The following GNAQ variants were observed in gnomAD, a reference collection of about 807,000 sequenced individuals.
GNAQ encodes guanine nucleotide-binding protein G(q) subunit alpha.
Under a neutral mutation model 43.9 loss-of-function variants are expected in GNAQ, and 8 were observed. The observed-to-expected ratio is 0.18, with a 90% CI of 0.11 to 0.33. The LOEUF is 0.33. GNAQ is among the 10% of genes least tolerant of loss of function. The pLI, the probability that GNAQ is intolerant of heterozygous loss-of-function variation, is 1.00. For missense variants in GNAQ, 158 were observed against 450.8 expected, an observed-to-expected ratio of 0.35 and a Z score of 5.88; for synonymous variants, 155 against 170.7, an observed-to-expected ratio of 0.91 and a Z score of 0.71.
chr9:77,836,017 GA>G (rs1224030234), intron 2 of GNAQ, among the ~76,000 whole-genome samples: 4 of 151,814 alleles, frequency 2.6e-5, no homozygotes, highest in East Asian at 3.9e-4. Context: ...GAAGAAGAAA[GA>G]AAAAAAATCT....
At chr9:77,863,333 C>T (rs1243039125) in intron 2 of GNAQ, among the ~76,000 whole-genome samples, 2 of 152,162 alleles carry the variant, frequency 1.3e-5, no homozygotes, top group Non-Finnish European at 2.9e-5. Flanking sequence ...AGGGGCAAAA[C>T]GTTGCCAGGC....
chr9:77,787,044 A>G (rs1257990951), intron 5 of GNAQ, among the ~76,000 whole-genome samples: 1 of 152,250 alleles, frequency 6.6e-6, no homozygotes, highest in Non-Finnish European at 1.5e-5. Context: ...CCTTACAGAC[A>G]TAATATTGAG....
At chr9:77,911,950 G>C (rs1417797242) in intron 2 of GNAQ, among the ~76,000 whole-genome samples, 2 of 152,254 alleles carry the variant, frequency 1.3e-5, no homozygotes, top group East Asian at 1.9e-4. Context: ...GTCTGGATAA[G>C]GAAATAAACC....
At chr9:77,880,469 C>T (rs1828190067) in intron 2 of GNAQ, among the ~76,000 whole-genome samples, 1 of 151,980 alleles carries the variant, frequency 6.6e-6, no homozygotes, top group Non-Finnish European at 1.5e-5. Flanking sequence ...TAGCCTTGAA[C>T]TCCTGGGATC....
intron 1 of GNAQ, among the ~76,000 whole-genome samples, chr9:77,999,828 G>A (rs567957855): frequency 9.9e-4 from 151 of 152,186 alleles, no homozygotes; most frequent in African/African-American, 3.4e-3. Context: ...GAAAACTGGA[G>A]GCCAATAAAA....
chr9:77,855,289 A>ATTT (rs1827735252), intron 2 of GNAQ, among the ~76,000 whole-genome samples: 1 of 152,202 alleles, frequency 6.6e-6, no homozygotes, highest in South Asian at 2.1e-4. Context: ...ATATAAATAA[A>ATTT]TTAAAAGAAA....
chr9:77,814,714 T>G (rs1376021008), intron 3 of GNAQ, among the ~76,000 whole-genome samples: 2 of 152,290 alleles, frequency 1.3e-5, no homozygotes, highest in East Asian at 3.9e-4. Context: ...CCCACTCTCA[T>G]CCAGTGGATC....
intron 1 of GNAQ, among the ~76,000 whole-genome samples, chr9:78,026,168 A>G (rs975946865): frequency 1.3e-5 from 2 of 152,206 alleles, no homozygotes; most frequent in South Asian, 4.1e-4. Context: ...GAATATGTGA[A>G]TAGATAAACC....
At chr9:77,746,765 C>T (rs1016082232) in intron 5 of GNAQ, among the ~76,000 whole-genome samples, 2 of 151,832 alleles carry the variant, frequency 1.3e-5, no homozygotes, top group African/African-American at 4.8e-5. Flanking sequence ...ATGATTTTTA[C>T]CTACCATAAT....
chr9:78,003,935 T>C (rs1191373601), intron 1 of GNAQ, among the ~76,000 whole-genome samples: 1 of 152,006 alleles, frequency 6.6e-6, no homozygotes, highest in African/African-American at 2.4e-5. Flanking sequence ...CAAAAAAGCA[T>C]AATATGCACT....
chr9:77,990,880 C>G (rs888903370), intron 1 of GNAQ, among the ~76,000 whole-genome samples: 1 of 152,138 alleles, frequency 6.6e-6, no homozygotes, highest in African/African-American at 2.4e-5. Flanking sequence ...ACACACATGA[C>G]CTAAGAATGC....
At chr9:77,862,671 A>C (rs1341067429) in intron 2 of GNAQ, among the ~76,000 whole-genome samples, 1 of 152,202 alleles carries the variant, frequency 6.6e-6, no homozygotes, top group African/African-American at 2.4e-5. Context: ...CATGCCCTGG[A>C]AACATTTTCC....
At position 77,960,314 on chromosome 9, in the gene GNAQ, G is replaced by T. The variant is rs533156674; in HGVS notation, c.137-37969C>A. 1.2e-4 allele frequency among the ~76,000 whole-genome samples: 18 copies of T among 152,322 alleles called. No individual in the cohort carries two copies. In the South Asian group the frequency reaches 3.7e-3, roughly 32 times the overall value. ...CAGAATGGGTCAGGAGGCAGAGGGA[G>T]TGAGGAGAAGGCATGGGTCAGGTCC... On this transcript the variant is annotated intron_variant, in intron 1 of 6. Coordinates refer to ENST00000286548, the MANE Select transcript of GNAQ (RefSeq NM_002072.5).
chr9:77,817,165 C>G (rs1467158907), intron 2 of GNAQ, among the ~76,000 whole-genome samples: 1 of 152,192 alleles, frequency 6.6e-6, no homozygotes, highest in East Asian at 1.9e-4. Flanking sequence ...GTGGGGCCCA[C>G]CTCAATCATC....
In GNAQ at chr9:77,819,855, G is replaced by C. The variant is rs150631546; in HGVS notation, c.322-4085C>G. On this transcript the variant is annotated intron_variant, in intron 2 of 6. Coordinates refer to ENST00000286548, the MANE Select transcript of GNAQ (RefSeq NM_002072.5). ...AAAGGAAGTACAGAGTGAAATGATG[G>C]ATGCTGAGACAAGACTGCTGGTGTT... Among the ~76,000 whole-genome samples, 644 of 151,110 alleles carry C rather than the reference G, an allele frequency of 4.3e-3. 8 individuals are homozygous for C. The highest frequency in any genetic ancestry group is 0.015 in the African/African-American group (606 of 41,216).
At chr9:77,725,050 C>T (rs1825376830) in intron 6 of GNAQ, among the ~76,000 whole-genome samples, 1 of 151,804 alleles carries the variant, frequency 6.6e-6, no homozygotes, top group Non-Finnish European at 1.5e-5. Flanking sequence ...TGATTTTGTA[C>T]TTACTCTATT....
intron 5 of GNAQ, among the ~76,000 whole-genome samples, chr9:77,773,929 C>A (rs1826266619): frequency 6.6e-6 from 1 of 152,172 alleles, no homozygotes; most frequent in East Asian, 1.9e-4. Context: ...AATAACAAAG[C>A]CACAGCAAAT....
chr9:77,989,348 G>C (rs986207653), intron 1 of GNAQ, among the ~76,000 whole-genome samples: 2 of 152,150 alleles, frequency 1.3e-5, no homozygotes, highest in Non-Finnish European at 2.9e-5. Context: ...AGGGGTGGTG[G>C]CCCTCAGTTC....
intron 1 of GNAQ, among the ~76,000 whole-genome samples, chr9:77,943,445 T>G (rs1564158950): frequency 6.6e-6 from 1 of 152,202 alleles, no homozygotes; most frequent in Non-Finnish European, 1.5e-5. Context: ...GATTAAAATG[T>G]TTGACTTTCA....
Sources: gnomAD v4.1 joint callset for allele counts (sites outside exome capture counted in the v4.1 genomes callset) on GRCh38, gnomAD v4.1.1 for gene constraint, MANE v1.5 for transcripts, NCBI Gene and HGNC (gene_info 2026-07-23, HGNC 2026-07-21) for gene names.